Variants in DCDC1 observed in about 807,000 individuals in gnomAD.
The protein encoded by DCDC1 is doublecortin domain-containing protein 1.
DCDC1 carries 200 observed loss-of-function variants against 178.3 expected under a neutral mutation model. That is an observed-to-expected ratio of 1.12 (90% CI 1.00 to 1.26). DCDC1 has a LOEUF of 1.26. Ranked by LOEUF, DCDC1 falls within the 50% of genes most tolerant of loss-of-function variation. The pLI is 0.00. For missense variants in DCDC1, 1,983 were observed against 1,749.2 expected (o/e 1.13, Z -2.38); for synonymous variants, 690 against 604.8 (o/e 1.14, Z -2.07).
chr11:31,015,165 G>C (rs2135150385), intron 20 of DCDC1, among the ~76,000 whole-genome samples: 1 of 152,006 alleles, frequency 6.6e-6, no homozygotes, highest in Admixed American at 6.6e-5. Context: ...AGCCAGGGTG[G>C]TCTCGATCTC....
intron 20 of DCDC1, among the ~76,000 whole-genome samples, chr11:31,037,993 T>C (rs1954185395): frequency 6.8e-6 from 1 of 148,034 alleles, no homozygotes; most frequent in Non-Finnish European, 1.5e-5. Context: ...GGTGTTTGGT[T>C]TTTTGTCCTT....
At chr11:31,098,644 C>G (rs939541315) in intron 15 of DCDC1, among the ~76,000 whole-genome samples, 1 of 152,152 alleles carries the variant, frequency 6.6e-6, no homozygotes, top group South Asian at 2.1e-4. Context: ...TGTTCTCTAC[C>G]CCAATGAGCA....
chr11:31,315,485 C>T (rs1357212788), intron 3 of DCDC1, among the ~76,000 whole-genome samples: 1 of 151,020 alleles, frequency 6.6e-6, no homozygotes. Flanking sequence ...TACAGGTGCA[C>T]GCTGCCATGC....
At chr11:31,023,564 A>G (rs1193801896) in intron 20 of DCDC1, among the ~76,000 whole-genome samples, 1 of 152,106 alleles carries the variant, frequency 6.6e-6, no homozygotes, top group Non-Finnish European at 1.5e-5. Context: ...TAGCCTAAAT[A>G]TCTAATCTAG....
At chr11:30,957,788 T>C (rs1051700943) in intron 20 of DCDC1, among the ~76,000 whole-genome samples, 1 of 152,194 alleles carries the variant, frequency 6.6e-6, no homozygotes, top group Admixed American at 6.5e-5. Flanking sequence ...TGACATGTGG[T>C]AAGACAGATG....
Position 30,904,990 on chromosome 11 carries a change from T to C in DCDC1, c.4279A>G (p.Lys1427Glu). 6.2e-7 allele frequency: 1 copy of C among 1,613,800 alleles called. No individual in the cohort carries two copies. Among genetic ancestry groups the C allele is most frequent in the Non-Finnish European group, 8.5e-7 (1 of 1,179,726 alleles). ...YKNGDGYRNGKLIVAGTFPML... is the reference protein window; with the variant it reads ...YKNGDGYRNGELIVAGTFPML... ...GGGAATGTTCCAGCCACAATTAACT[T>C]CCCATTACGATACCCATCCCCATTT... is the stretch of plus-strand genomic sequence containing the variant. Residue 1427 changes from lysine (K) to glutamate (E), a missense_variant, in exon 31 of 39, where the codon AAG (lysine) becomes GAG (glutamate). Transcript: ENST00000684477.
At chr11:30,912,868 G>C (rs1208653187) in intron 27 of DCDC1, among the ~76,000 whole-genome samples, 1 of 152,136 alleles carries the variant, frequency 6.6e-6, no homozygotes, top group African/African-American at 2.4e-5. Context: ...AAATATGGAG[G>C]ATAAAAAGAC....
chr11:31,168,731 A>C (rs1966868419), intron 9 of DCDC1, among the ~76,000 whole-genome samples: 1 of 152,190 alleles, frequency 6.6e-6, no homozygotes, highest in Admixed American at 6.5e-5. Flanking sequence ...CAGTTTTCTC[A>C]CTTGTGAGAC....
intron 20 of DCDC1, among the ~76,000 whole-genome samples, chr11:30,984,170 C>A (rs960321719): frequency 6.6e-6 from 1 of 152,090 alleles, no homozygotes; most frequent in Non-Finnish European, 1.5e-5. Flanking sequence ...GAGTTTATTT[C>A]ACGAAGACAG....
At chr11:30,977,386 A>G (rs996691602) in intron 20 of DCDC1, among the ~76,000 whole-genome samples, 4 of 152,162 alleles carry the variant, frequency 2.6e-5, no homozygotes, top group Non-Finnish European at 5.9e-5. Flanking sequence ...CACCCCAAAC[A>G]CTCTGACTTG....
At position 31,102,172 on chromosome 11, in the gene DCDC1, C is replaced by T. The variant is rs190550575; in HGVS notation, c.1983+5G>A. 1.7e-5 allele frequency: 12 copies of T among 686,644 alleles called. No homozygotes were observed. The highest frequency in any genetic ancestry group is 1.3e-4 in the East Asian group (5 of 39,288). 42.5% of individuals were successfully genotyped at this position (686,644 alleles called of 1,614,324 possible). Reference sequence around the variant, plus strand: ...CCTTTTAAAGTACAATAACTAAAATCCCACCTTGTTCTGTAGAAAATGGTT... The same window carrying T: ...CCTTTTAAAGTACAATAACTAAAATTCCACCTTGTTCTGTAGAAAATGGTT... On this transcript the variant is annotated splice_donor_5th_base_variant and intron_variant, in intron 15 of 38. Coordinates refer to ENST00000684477, the MANE Select transcript of DCDC1 (RefSeq NM_001387274.1).
Position 30,899,675 on chromosome 11 carries a change from A to G in DCDC1, c.4664-33T>C, listed in dbSNP as rs572951235. 5.6e-6 allele frequency: 8 copies of G among 1,422,016 alleles called. No homozygotes were observed. In the African/African-American group the frequency reaches 1.0e-4, roughly 18 times the overall value. The allele number at this position is 1,422,016 out of a possible 1,614,324, so 88.1% of individuals were successfully genotyped here. A position where few individuals can be genotyped will look rare whatever the true frequency, so the allele number is the denominator to read the frequency against. ...AATAAAAATACAAGATATTTTATCA[A>G]CAGTAATTTATCACGCGCACCAATA... On this transcript the variant is annotated intron_variant, in intron 33 of 38. Transcript: ENST00000684477.
At chr11:31,253,993 T>C (rs1340328069) in intron 8 of DCDC1, among the ~76,000 whole-genome samples, 2 of 152,156 alleles carry the variant, frequency 1.3e-5, no homozygotes, top group Non-Finnish European at 2.9e-5. Flanking sequence ...CATATGCAAG[T>C]GTAGCTGCAG....
chr11:31,357,829 C>A (rs1045597630), intron 1 of DCDC1, among the ~76,000 whole-genome samples: 11 of 151,548 alleles, frequency 7.3e-5, no homozygotes, highest in African/African-American at 2.7e-4. Context: ...GAGTGAACTC[C>A]CATTCACAAT....
intron 2 of DCDC1, among the ~76,000 whole-genome samples, chr11:31,330,353 T>A (rs1949905642): frequency 6.6e-6 from 1 of 152,230 alleles, no homozygotes; most frequent in African/African-American, 2.4e-5. Flanking sequence ...AGGTTGCCTC[T>A]TCACTCTGAT....
At chr11:30,986,867 C>T (rs187053473) in intron 20 of DCDC1, among the ~76,000 whole-genome samples, 8 of 152,210 alleles carry the variant, frequency 5.3e-5, no homozygotes, top group Non-Finnish European at 8.8e-5. Flanking sequence ...CTGCTCATGA[C>T]GTGAACTCAT....
chr11:31,043,240 G>C (rs1406592356), intron 20 of DCDC1, among the ~76,000 whole-genome samples: 1 of 152,174 alleles, frequency 6.6e-6, no homozygotes, highest in Non-Finnish European at 1.5e-5. Context: ...GTGTAATTGA[G>C]AGACTTTTGC....
At chr11:30,932,376 T>C (rs1946985621) in intron 21 of DCDC1, among the ~76,000 whole-genome samples, 1 of 152,164 alleles carries the variant, frequency 6.6e-6, no homozygotes, top group Non-Finnish European at 1.5e-5. Context: ...TTGGAGAATA[T>C]TGCAAAAATA....
chr11:31,308,347 T>C (rs1253643913), intron 3 of DCDC1, among the ~76,000 whole-genome samples: 1 of 152,250 alleles, frequency 6.6e-6, no homozygotes, highest in Non-Finnish European at 1.5e-5. Flanking sequence ...TAAAAATATG[T>C]GGGTCCTACC....
Sources: allele counts gnomAD v4.1 joint callset (sites outside exome capture counted in the v4.1 genomes callset), GRCh38; gene constraint gnomAD v4.1.1; transcripts MANE v1.5; gene names NCBI Gene and HGNC (gene_info 2026-07-23, HGNC 2026-07-21).